CERS3: variants seen among roughly 807,000 people sequenced by gnomAD.
CERS3 encodes ceramide synthase 3, also known as LAG1 homolog, ceramide synthase 3.
In CERS3, 33 loss-of-function variants were observed where a neutral mutation model predicts 50.3. The observed-to-expected ratio is 0.66, with a 90% CI of 0.50 to 0.88. The LOEUF is 0.88. Ranked by LOEUF, CERS3 falls within the 40% of genes least tolerant of loss-of-function variation. The pLI is 0.00. For synonymous variants in CERS3, 176 were observed against 155.2 expected, an observed-to-expected ratio of 1.13 and a Z score of -0.99; for missense variants, 470 against 460.3, an observed-to-expected ratio of 1.02 and a Z score of -0.19.
intron 11 of CERS3, among the ~76,000 whole-genome samples, chr15:100,416,209 G>A (rs2031893427): frequency 6.6e-6 from 1 of 152,088 alleles, no homozygotes; most frequent in Non-Finnish European, 1.5e-5. Flanking sequence ...CAAAGCCAGA[G>A]GCATCACACT....
chr15:100,508,980 GTTTA>G lies in CERS3; in HGVS notation c.-1-7134_-1-7131del, dbSNP rs2036261433. Among the ~76,000 whole-genome samples the G allele has an allele frequency of 2.0e-5, 3 of 152,230 alleles. No individual in the cohort carries two copies. The South Asian group carries it at 6.2e-4, about 32-fold the overall frequency. On this transcript the variant is annotated intron_variant, in intron 2 of 11. Coordinates refer to ENST00000679737, the MANE Select transcript of CERS3 (RefSeq NM_001378789.1). ...AAATATTTGCAAGAAAAATGCCTGC[GTTTA>G]TTTCTTTGTACTTTGGGGGAAGCAA...
At chr15:100,535,139 C>G (rs1160467559) in intron 1 of CERS3, among the ~76,000 whole-genome samples, 2 of 152,322 alleles carry the variant, frequency 1.3e-5, no homozygotes, top group African/African-American at 2.4e-5. Flanking sequence ...ACAAAATAGA[C>G]TTTCTAAATT....
chr15:100,472,735 G>T lies in CERS3; in HGVS notation c.738+189C>A, dbSNP rs111954624. ...ACATCTCTCTAGTACCATGGAGAAGGATTCAAAGTTAAAACTAAGAGGTTT... is the reference window on the plus strand; with the variant it reads ...ACATCTCTCTAGTACCATGGAGAAGTATTCAAAGTTAAAACTAAGAGGTTT... On this transcript the variant is annotated intron_variant, in intron 9 of 11. Transcript: ENST00000679737. Among the ~76,000 whole-genome samples the T allele has an allele frequency of 4.1e-3, 628 of 152,276 alleles. 5 individuals are homozygous for T. Among genetic ancestry groups the T allele is most frequent in the African/African-American group, 0.014 (586 of 41,562 alleles).
intron 6 of CERS3, among the ~76,000 whole-genome samples, chr15:100,479,768 G>A (rs1038715212): frequency 4.2e-5 from 5 of 117,930 alleles, no homozygotes; most frequent in Admixed American, 2.1e-4. Context: ...ACAAGTAACT[G>A]TATGAACCAA....
intron 9 of CERS3, 148 bp from the exon 10 acceptor site, chr15:100,469,632 C>A (rs1052079136): frequency 1.7e-6 from 1 of 601,056 alleles, no homozygotes; most frequent in Non-Finnish European, 3.0e-6. Context: ...ATAGATAAAA[C>A]AAGACTGGCC....
chr15:100,501,969 TA>T, intron 2 of CERS3, 119 bp from the exon 3 acceptor site: 1 of 1,025,920 alleles, frequency 9.7e-7, no homozygotes, highest in Non-Finnish European at 1.4e-6. Context: ...GCAAGAGGCC[TA>T]GCGCAGTGGC....
At chr15:100,537,823 C>T (rs868253085) in intron 1 of CERS3, among the ~76,000 whole-genome samples, 22 of 152,188 alleles carry the variant, frequency 1.4e-4, no homozygotes, top group African/African-American at 5.1e-4. Flanking sequence ...AGTAGTTCCC[C>T]AAAGTCTTAA....
intron 2 of CERS3, among the ~76,000 whole-genome samples, chr15:100,506,490 CCA>C (rs1377236865): frequency 7.4e-6 from 1 of 134,586 alleles, no homozygotes; most frequent in Non-Finnish European, 1.6e-5. Flanking sequence ...CACACACACA[CCA>C]GACATTGTTG....
At chr15:100,446,158 C>T (rs575502605) in intron 11 of CERS3, among the ~76,000 whole-genome samples, 1 of 152,338 alleles carries the variant, frequency 6.6e-6, no homozygotes, top group African/African-American at 2.4e-5. Flanking sequence ...CCTTGTTGCT[C>T]ACACAAAGCC....
At position 100,402,603 on chromosome 15, in the gene CERS3, G is replaced by T; in HGVS notation, c.*110C>A. ...CACATCTTAGGTGGGAGGGAAGGCG[G>T]TGGTGAGAAAGAGGGAAGGGCAGAA... On this transcript the variant is annotated 3_prime_UTR_variant, in exon 12 of 12. Transcript: ENST00000679737. 5 of 1,044,960 alleles carry T rather than the reference G, an allele frequency of 4.8e-6. No individual in the cohort carries two copies. Among genetic ancestry groups the T allele is most frequent in the Middle Eastern group, 3.2e-4 (1 of 3,146 alleles). The allele number at this position is 1,044,960 out of a possible 1,614,324, so 64.7% of individuals were successfully genotyped here. A position where few individuals can be genotyped will look rare whatever the true frequency, so the allele number is the denominator to read the frequency against.
At chr15:100,444,222 C>G (rs182906699) in intron 11 of CERS3, among the ~76,000 whole-genome samples, 1 of 152,026 alleles carries the variant, frequency 6.6e-6, no homozygotes, top group Non-Finnish European at 1.5e-5. Context: ...CTCTCTACAG[C>G]TCTCATAACT....
chr15:100,444,646 G>A (rs552608336), intron 11 of CERS3, among the ~76,000 whole-genome samples: 26 of 152,100 alleles, frequency 1.7e-4, no homozygotes, highest in African/African-American at 3.1e-4. Flanking sequence ...CTATTCTACT[G>A]CTCCTCAGGG....
intron 9 of CERS3, 63 bp from the exon 10 acceptor site, chr15:100,469,547 A>T: frequency 8.6e-7 from 1 of 1,166,838 alleles, no homozygotes. Context: ...AGTTAAATTT[A>T]TAAATGAAAT....
intron 11 of CERS3, chr15:100,426,187 CTAAA>C (rs2032800834): frequency 6.6e-6 from 1 of 151,942 alleles, no homozygotes; most frequent in Non-Finnish European, 1.5e-5. Context: ...AATTAATAAA[CTAAA>C]TGTTGCATAA....
At chr15:100,498,648 C>A (rs1185773908) in intron 3 of CERS3, among the ~76,000 whole-genome samples, 2 of 152,184 alleles carry the variant, frequency 1.3e-5, no homozygotes, top group East Asian at 1.9e-4. Flanking sequence ...AGACGGCCCC[C>A]CCTTTGTCTA....
intron 11 of CERS3, among the ~76,000 whole-genome samples, chr15:100,451,322 T>G (rs1247041798): frequency 1.3e-5 from 2 of 152,170 alleles, no homozygotes; most frequent in African/African-American, 4.8e-5. Flanking sequence ...GATTAAACTT[T>G]CCACTTAAAA....
chr15:100,455,871 A>G, intron 11 of CERS3, 22 bp downstream of exon 11: 1 of 1,549,112 alleles, frequency 6.5e-7, no homozygotes, highest in Non-Finnish European at 8.7e-7. Flanking sequence ...ATTAAGAGCA[A>G]TAATATTTGG....
chr15:100,455,991 A>G lies in CERS3; in HGVS notation c.901T>C (p.Tyr301His). 2 of 1,613,412 alleles carry G rather than the reference A, an allele frequency of 1.2e-6. No individual in the cohort carries two copies. The highest frequency in any genetic ancestry group is 1.7e-6 in the Non-Finnish European group (2 of 1,179,602). ...ATGAGCTGTAGGTTGAGGAAGATGTATGAAAAGAAAGGCTCGAGGTGATAC... is the reference window on the plus strand; with the variant it reads ...ATGAGCTGTAGGTTGAGGAAGATGTGTGAAAAGAAAGGCTCGAGGTGATAC... Reference protein sequence around the residue: ...PMYHLEPFFSYIFLNLQLMIL... With the variant: ...PMYHLEPFFSHIFLNLQLMIL... Residue 301 changes from tyrosine to histidine, a missense_variant, in exon 11 of 12, where the codon TAC becomes CAC. Tyr to His is a moderately conservative substitution (Grantham distance 83). Transcript: ENST00000679737.
At chr15:100,508,591 G>C (rs372868755) in intron 2 of CERS3, among the ~76,000 whole-genome samples, 74 of 152,296 alleles carry the variant, frequency 4.9e-4, no homozygotes, top group African/African-American at 1.8e-3. Flanking sequence ...TGTCCTTTAA[G>C]GACCTTGATT....
Sources: gnomAD v4.1 joint callset for allele counts (sites outside exome capture counted in the v4.1 genomes callset) on GRCh38, gnomAD v4.1.1 for gene constraint, MANE v1.5 for transcripts, NCBI Gene and HGNC (gene_info 2026-07-23, HGNC 2026-07-21) for gene names.